Variants in KCNN2 observed in about 807,000 individuals in gnomAD.
KCNN2 encodes the protein potassium calcium-activated channel subfamily N member 2.
In KCNN2, 24 loss-of-function variants were observed where a neutral mutation model predicts 55.5. The observed-to-expected ratio is 0.43, with a 90% confidence interval of 0.31 to 0.61. The LOEUF is 0.61. KCNN2 is among the 20% of genes least tolerant of loss of function. The pLI is 0.08. For missense variants in KCNN2, 754 were observed against 853.6 expected, an observed-to-expected ratio of 0.88 and a Z score of 1.45; for synonymous variants, 431 against 336.1, an observed-to-expected ratio of 1.28 and a Z score of -3.09.
chr5:114,130,255 G>C (rs984744906), intron 1 of KCNN2, among the ~76,000 whole-genome samples: 7 of 151,860 alleles, frequency 4.6e-5, no homozygotes, highest in African/African-American at 1.5e-4. Context: ...TATATCCTTG[G>C]TTAGATATAG....
intron 2 of KCNN2, among the ~76,000 whole-genome samples, chr5:114,252,001 C>T (rs1173119799): frequency 6.6e-6 from 1 of 151,186 alleles, no homozygotes; most frequent in African/African-American, 2.4e-5. Context: ...ACCTCAGCCT[C>T]CCGAGCAGCT....
chr5:114,125,993 C>T lies in KCNN2; in HGVS notation c.-271+69493C>T, dbSNP rs141004933. Among the ~76,000 whole-genome samples the T allele has an allele frequency of 1.4e-3, 218 of 152,240 alleles. 1 individual carries two copies. Among genetic ancestry groups the T allele is most frequent in the Middle Eastern group, 0.014 (4 of 294 alleles). On this transcript the variant is annotated intron_variant, in intron 1 of 10. Transcript: ENST00000512097. Reference sequence around the variant, plus strand: ...CAATTCAGCCCATAACAAAGGGTATCCTTCCTATGTTCTGTTGGTTTTCTA... The same window carrying T: ...CAATTCAGCCCATAACAAAGGGTATTCTTCCTATGTTCTGTTGGTTTTCTA...
intron 1 of KCNN2, among the ~76,000 whole-genome samples, chr5:114,096,012 T>A (rs150928907): frequency 8.5e-5 from 13 of 152,318 alleles, no homozygotes; most frequent in African/African-American, 2.6e-4. Context: ...CCTATGGATC[T>A]ATAGATCCTT....
intron 1 of KCNN2, among the ~76,000 whole-genome samples, chr5:114,108,532 C>T (rs111427525): frequency 0.046 from 7,015 of 152,082 alleles, 532 homozygotes; most frequent in African/African-American, 0.16. Context: ...TTCCAGTAAA[C>T]CTCTAACACA....
At position 114,346,273 on chromosome 5, in the gene KCNN2, G is replaced by C. The variant is rs1445147336; in HGVS notation, c.-184-14672G>C. Among the ~76,000 whole-genome samples the C allele has an allele frequency of 2.0e-5, 3 of 152,236 alleles. No homozygotes were observed. The South Asian group carries it at 6.2e-4, about 32-fold the overall frequency. On this transcript the variant is annotated intron_variant, in intron 2 of 10. Transcript: ENST00000512097. The stretch of plus-strand genomic sequence containing the variant: ...GCCATGAGAAATTTGCCTTCATGAC[G>C]CAAACACCTCCCACCAGGCCCCACC...
At chr5:114,125,298 G>A (rs1489700354) in intron 1 of KCNN2, among the ~76,000 whole-genome samples, 2 of 152,288 alleles carry the variant, frequency 1.3e-5, no homozygotes, top group East Asian at 3.9e-4. Context: ...TTTCTTTGGA[G>A]GGTGGGACTA....
intron 1 of KCNN2, among the ~76,000 whole-genome samples, chr5:114,195,527 C>T (rs1027807593): frequency 1.3e-5 from 2 of 151,820 alleles, no homozygotes; most frequent in Admixed American, 1.3e-4. Flanking sequence ...GTATATTTAT[C>T]TTTTATCCTT....
chr5:114,065,047 C>G (rs1750416642), intron 1 of KCNN2, among the ~76,000 whole-genome samples: 1 of 152,156 alleles, frequency 6.6e-6, no homozygotes, highest in South Asian at 2.1e-4. Context: ...ACACTGGCTA[C>G]TGTTAAATAA....
At chr5:114,423,619 C>T (rs73782236) in intron 3 of KCNN2, among the ~76,000 whole-genome samples, 3,965 of 152,202 alleles carry the variant, frequency 0.026, 134 homozygotes, top group African/African-American at 0.087. Context: ...TATATATTGG[C>T]ATTTCTTCTT....
intron 5 of KCNN2, among the ~76,000 whole-genome samples, chr5:114,484,847 G>A (rs542416129): frequency 6.6e-6 from 1 of 152,248 alleles, no homozygotes; most frequent in Admixed American, 6.5e-5. Flanking sequence ...TTTAAAAGCA[G>A]CTGCAGGGAT....
chr5:114,466,614 C>G (rs992870633), intron 4 of KCNN2, among the ~76,000 whole-genome samples: 2 of 151,860 alleles, frequency 1.3e-5, no homozygotes, highest in Non-Finnish European at 2.9e-5. Flanking sequence ...TAAGGTTGCT[C>G]ATTTGTTCTT....
At chr5:114,287,451 A>G (rs1032465777) in intron 2 of KCNN2, among the ~76,000 whole-genome samples, 1 of 152,192 alleles carries the variant, frequency 6.6e-6, no homozygotes, top group Non-Finnish European at 1.5e-5. Context: ...CTTTGCAGGG[A>G]CATGGATGAA....
At chr5:114,251,693 G>T (rs902018254) in intron 2 of KCNN2, among the ~76,000 whole-genome samples, 3 of 151,942 alleles carry the variant, frequency 2.0e-5, no homozygotes, top group African/African-American at 7.2e-5. Flanking sequence ...GTTATATTTT[G>T]CATCTTCTCA....
exon 1 of KCNN2, chr5:114,056,258 G>C (rs1307493874): frequency 5.0e-6 from 2 of 397,122 alleles, no homozygotes; most frequent in African/African-American, 2.1e-5. Flanking sequence ...CGAAGCTGGG[G>C]AGCCGGGGGC....
Position 114,260,134 on chromosome 5 carries a change from A to G in KCNN2, c.-185+38569A>G, listed in dbSNP as rs1035230462. Among the ~76,000 whole-genome samples the G allele has an allele frequency of 2.6e-5, 4 of 152,268 alleles. No homozygotes were observed. In the East Asian group the frequency reaches 7.7e-4, roughly 29 times the overall value. ...CAAGATAACACTATCTTTTGTCTAA[A>G]CTATGGAACAGCTCCTGACTGTCCT... is the stretch of plus-strand genomic sequence containing the variant. On this transcript the variant is annotated intron_variant, in intron 2 of 10. Transcript: ENST00000512097.
rs1345367937 is a variant in KCNN2, at chr5:114,257,296, C to T, written c.-185+35731C>T. Among the ~76,000 whole-genome samples, 3 of 152,008 alleles carry T rather than the reference C, an allele frequency of 2.0e-5. No individual in the cohort carries two copies. The East Asian group carries it at 5.8e-4, about 29-fold the overall frequency. On this transcript the variant is annotated intron_variant, in intron 2 of 10. Transcript: ENST00000512097. ...TAATTTGAAGTCAGGTAATATGATACCTCCAGCTTTGTTCTTTTTCTTAGG... is the reference window on the plus strand; with the variant it reads ...TAATTTGAAGTCAGGTAATATGATATCTCCAGCTTTGTTCTTTTTCTTAGG...
intron 1 of KCNN2, among the ~76,000 whole-genome samples, chr5:114,068,655 C>G (rs1174144731): frequency 6.6e-6 from 1 of 152,146 alleles, no homozygotes; most frequent in African/African-American, 2.4e-5. Context: ...CCAGTGCTTC[C>G]CAGAGGGTCC....
intron 2 of KCNN2, among the ~76,000 whole-genome samples, chr5:114,266,649 T>G (rs1433702529): frequency 2.0e-5 from 3 of 152,176 alleles, no homozygotes; most frequent in Non-Finnish European, 4.4e-5. Context: ...TACTGTTCCC[T>G]GCTACAAGAA....
chr5:114,212,725 A>G (rs1478186754), intron 1 of KCNN2, among the ~76,000 whole-genome samples: 1 of 152,006 alleles, frequency 6.6e-6, no homozygotes, highest in East Asian at 1.9e-4. Context: ...GGTGATAAAC[A>G]TGAAATATAT....
Sources: gnomAD v4.1 joint callset for allele counts (sites outside exome capture counted in the v4.1 genomes callset) on GRCh38, gnomAD v4.1.1 for gene constraint, MANE v1.5 for transcripts, NCBI Gene and HGNC (gene_info 2026-07-23, HGNC 2026-07-21) for gene names.